SV2B: variants seen among roughly 807,000 people sequenced by gnomAD.
The protein encoded by SV2B is synaptic vesicle glycoprotein 2B, also known as solute carrier family 22 member B2.
In SV2B, 41 loss-of-function variants were observed where a neutral mutation model predicts 73.9. The ratio of observed to expected loss-of-function variants is 0.56; its 90% CI spans 0.43 to 0.72. The LOEUF is 0.72. SV2B is among the 30% of genes least tolerant of loss of function. SV2B has a pLI of 0.00. For synonymous variants in SV2B, 314 were observed against 314.2 expected, an observed-to-expected ratio of 1.00 and a Z score of 0.01; for missense variants, 764 against 857.8, an observed-to-expected ratio of 0.89 and a Z score of 1.37.
rs1841594467 is a variant in SV2B at position 91,224,747 on chromosome 15, T to G, written c.-391-1126T>G. Reference sequence around the variant, plus strand: ...ACAGATGATTTTTTTTCTTTCTTTTTTTGCTGTTGTGGGAATTACAGATAA... The same window carrying G: ...ACAGATGATTTTTTTTCTTTCTTTTGTTGCTGTTGTGGGAATTACAGATAA... On this transcript the variant is annotated intron_variant, in intron 1 of 12. Coordinates refer to ENST00000394232, the MANE Select transcript of SV2B (RefSeq NM_001323032.3). The surrounding 1 kb of genome is among the most constrained non-coding windows in gnomAD (Gnocchi z 4.9). Among the ~76,000 whole-genome samples, 1 of 152,154 alleles carries G rather than the reference T, an allele frequency of 6.6e-6. No individual in the cohort carries two copies. The highest frequency in any genetic ancestry group is 2.4e-5 in the African/African-American group (1 of 41,418).
At chr15:91,160,402 G>T (rs2043670027) in intron 1 of SV2B, among the ~76,000 whole-genome samples, 1 of 152,222 alleles carries the variant, frequency 6.6e-6, no homozygotes, top group Admixed American at 6.5e-5. Context: ...GAGGCCAGGA[G>T]TTTGAGACCA....
intron 1 of SV2B, among the ~76,000 whole-genome samples, chr15:91,209,105 C>T (rs2045749534): frequency 7.3e-6 from 1 of 137,904 alleles, no homozygotes; most frequent in African/African-American, 3.0e-5. Context: ...TGTGGCAGTA[C>T]TGTTTTTTGT....
chr15:91,168,941 T>C (rs1294121886), intron 1 of SV2B, among the ~76,000 whole-genome samples: 2 of 152,212 alleles, frequency 1.3e-5, no homozygotes, highest in African/African-American at 4.8e-5. Context: ...ATCATCAGAC[T>C]TGTCCATGGT....
intron 1 of SV2B, among the ~76,000 whole-genome samples, chr15:91,135,140 C>T (rs1298522191): frequency 3.3e-5 from 5 of 152,092 alleles, no homozygotes; most frequent in Non-Finnish European, 7.4e-5. Flanking sequence ...GCTGGGACCC[C>T]TCTCCGCCAT....
intron 1 of SV2B, among the ~76,000 whole-genome samples, chr15:91,221,937 C>T (rs1051337871): frequency 6.6e-6 from 1 of 152,104 alleles, no homozygotes; most frequent in Non-Finnish European, 1.5e-5. Context: ...TGTTTCCTTC[C>T]GCATCATGTC....
intron 1 of SV2B, among the ~76,000 whole-genome samples, chr15:91,212,650 C>G (rs2045906505): frequency 6.6e-6 from 1 of 151,896 alleles, no homozygotes; most frequent in African/African-American, 2.4e-5. Flanking sequence ...GAGGGATGTT[C>G]TGGTAGAGAA....
intron 1 of SV2B, among the ~76,000 whole-genome samples, chr15:91,212,651 T>G (rs1267164283): frequency 6.6e-6 from 1 of 152,062 alleles, no homozygotes; most frequent in Non-Finnish European, 1.5e-5. Flanking sequence ...AGGGATGTTC[T>G]GGTAGAGAAT....
intron 1 of SV2B, among the ~76,000 whole-genome samples, chr15:91,195,511 C>T (rs550218321): frequency 6.6e-6 from 1 of 152,288 alleles, no homozygotes; most frequent in South Asian, 2.1e-4. Flanking sequence ...GGGAGATGAG[C>T]ATTTTACCTG....
At chr15:91,104,620 T>C (rs2041828183) in intron 1 of SV2B, among the ~76,000 whole-genome samples, 1 of 152,166 alleles carries the variant, frequency 6.6e-6, no homozygotes, top group Non-Finnish European at 1.5e-5. Context: ...CAATCTACCA[T>C]AGGGACCTGA....
chr15:91,254,167 T>C (rs1461771383), intron 4 of SV2B, among the ~76,000 whole-genome samples: 3 of 152,186 alleles, frequency 2.0e-5, no homozygotes, highest in Non-Finnish European at 2.9e-5. Context: ...CTCACAATTC[T>C]TGATATAATA....
intron 9 of SV2B, among the ~76,000 whole-genome samples, chr15:91,271,897 A>C (rs573054956): frequency 6.6e-6 from 1 of 152,250 alleles, no homozygotes; most frequent in African/African-American, 2.4e-5. Context: ...CTTTGACTTT[A>C]TTCATACTTG....
intron 1 of SV2B, among the ~76,000 whole-genome samples, chr15:91,181,531 A>G (rs2141317517): frequency 6.6e-6 from 1 of 151,894 alleles, no homozygotes; most frequent in African/African-American, 2.4e-5. Context: ...AGATTCAACC[A>G]TGACTCCTAC....
intron 6 of SV2B, among the ~76,000 whole-genome samples, chr15:91,262,222 G>A (rs1187200888): frequency 1.3e-5 from 2 of 152,146 alleles, no homozygotes; most frequent in Non-Finnish European, 2.9e-5. Flanking sequence ...ATCTATATAT[G>A]TGGCTATTGT....
chr15:91,255,937 G>A (rs1223588888), intron 4 of SV2B, among the ~76,000 whole-genome samples: 8 of 152,208 alleles, frequency 5.3e-5, no homozygotes, highest in Non-Finnish European at 1.0e-4. Flanking sequence ...TTAGAGAAGA[G>A]ACTGATATTT....
rs1337312668 is a variant in SV2B, at chr15:91,298,234, T to A, written c.*5682T>A. On this transcript the variant is annotated 3_prime_UTR_variant, in exon 13 of 13. Transcript: ENST00000394232. This position sits in a 1 kb window ranked among gnomAD's most constrained non-coding sequence, Gnocchi z 5.4. ...AATTTACAGAATGCAGAATGGCTACTGTGTGTCTTGTGCTATGCTAGGTCT... is the reference window on the plus strand; with the variant it reads ...AATTTACAGAATGCAGAATGGCTACAGTGTGTCTTGTGCTATGCTAGGTCT... 6.6e-6 allele frequency: 1 copy of A among 152,260 alleles called. No homozygotes were observed. Among genetic ancestry groups the A allele is most frequent in the Non-Finnish European group, 1.5e-5 (1 of 68,052 alleles). 9.4% of individuals were successfully genotyped at this position (152,260 alleles called of 1,614,324 possible).
rs2046558512 is a variant in SV2B, at chr15:91,231,148, C to T, written c.451+4434C>T. Among the ~76,000 whole-genome samples the T allele has an allele frequency of 6.6e-6, 1 of 152,092 alleles. No individual in the cohort carries two copies. Among genetic ancestry groups the T allele is most frequent in the Non-Finnish European group, 1.5e-5 (1 of 68,022 alleles). On this transcript the variant is annotated intron_variant, in intron 2 of 12. Coordinates refer to ENST00000394232, the MANE Select transcript of SV2B (RefSeq NM_001323032.3). The surrounding 1 kb of genome is among the most constrained non-coding windows in gnomAD (Gnocchi z 4.5). ...AAAATCACCCGAAGAAATGATTAAACTTAGGAAGCTCAGGGCTATGTGGCA... is the reference window on the plus strand; with the variant it reads ...AAAATCACCCGAAGAAATGATTAAATTTAGGAAGCTCAGGGCTATGTGGCA...
intron 1 of SV2B, among the ~76,000 whole-genome samples, chr15:91,172,941 C>T (rs75180665): frequency 0.024 from 3,431 of 143,008 alleles, 140 homozygotes; most frequent in African/African-American, 0.082. Context: ...TTTTTTTTTT[C>T]TGGTGGAAAA....
Position 91,266,639 on chromosome 15 carries a change from A to T in SV2B, c.1066A>T (p.Thr356Ser), listed in dbSNP as rs2048112915. ...TGAATTCATTGAGATCCAAAGTTCA[A>T]CAGGAACCTGGTACCAGCGCTGGCT... ...MDEFIEIQSS[T>S]GTWYQRWLVR... Residue 356 changes from threonine to serine, a missense_variant, in exon 7 of 13, where the codon ACA becomes TCA. Physicochemically the swap from Thr to Ser is moderately conservative, Grantham distance 58 (BLOSUM62 1). Coordinates refer to ENST00000394232, the MANE Select transcript of SV2B (RefSeq NM_001323032.3). The T allele has an allele frequency of 6.2e-7, 1 of 1,614,188 alleles. No homozygotes were observed.
rs2041997152 is a variant in SV2B at position 91,110,109 on chromosome 15, C to T, written c.-392+9746C>T. Among the ~76,000 whole-genome samples the T allele has an allele frequency of 6.6e-6, 1 of 152,160 alleles. No individual in the cohort carries two copies. The highest frequency in any genetic ancestry group is 6.5e-5 in the Admixed American group (1 of 15,278). On this transcript the variant is annotated intron_variant, in intron 1 of 12. Transcript: ENST00000394232. This position sits in a 1 kb window ranked among gnomAD's most constrained non-coding sequence, Gnocchi z 5.4. ...ACGCTCACTCAGGAGTAATGATGGA[C>T]AGCTCATTTATCCATTAACGTGTTC...
Sources: gnomAD v4.1 joint callset for allele counts (sites outside exome capture counted in the v4.1 genomes callset) on GRCh38, gnomAD v4.1.1 for gene constraint, Gnocchi (gnomAD v3.1) non-coding constraint, MANE v1.5 for transcripts, NCBI Gene and HGNC (gene_info 2026-07-23, HGNC 2026-07-21) for gene names.